The following PITPNM2 variants were observed in gnomAD, a reference collection of about 807,000 sequenced individuals.
PITPNM2 encodes the protein membrane-associated phosphatidylinositol transfer protein 2.
In PITPNM2, 35 loss-of-function variants were observed where a neutral mutation model predicts 132.2. That is an observed-to-expected ratio of 0.26 (90% confidence interval 0.20 to 0.35). The LOEUF is 0.35. Ranked by LOEUF, PITPNM2 falls within the 10% of genes least tolerant of loss-of-function variation. The pLI is 1.00. For synonymous variants in PITPNM2, 738 were observed against 799.2 expected (o/e 0.92, Z 1.29); for missense variants, 1,332 against 1,912.0 (o/e 0.70, Z 5.66).
At chr12:123,143,822 C>T (rs1386799693) in intron 1 of PITPNM2, among the ~76,000 whole-genome samples, 1 of 152,190 alleles carries the variant, frequency 6.6e-6, no homozygotes, top group Admixed American at 6.5e-5. Context: ...GCTTGTCTTT[C>T]TGTAGCACCT....
At chr12:123,056,166 G>T (rs2041020245) in intron 2 of PITPNM2, among the ~76,000 whole-genome samples, 1 of 152,168 alleles carries the variant, frequency 6.6e-6, no homozygotes, top group Admixed American at 6.6e-5. Context: ...TCAAGGCAGT[G>T]GTGATGAGTC....
chr12:122,989,764 G>C, intron 18 of PITPNM2, 23 bp downstream of exon 18: 4 of 1,373,016 alleles, frequency 2.9e-6, no homozygotes, highest in Non-Finnish European at 3.8e-6. Flanking sequence ...CCCCCAGTGA[G>C]GGGAAAGTGT....
At chr12:123,136,554 C>T (rs1395234386) in intron 1 of PITPNM2, among the ~76,000 whole-genome samples, 1 of 152,094 alleles carries the variant, frequency 6.6e-6, no homozygotes, top group East Asian at 1.9e-4. Flanking sequence ...TTAAAATTCT[C>T]AAAGCATGTT....
chr12:123,111,510 C>T lies in PITPNM2; in HGVS notation c.-199-1022G>A, dbSNP rs532804994. Among the ~76,000 whole-genome samples, 118 of 152,372 alleles carry T rather than the reference C, an allele frequency of 7.7e-4. 1 individual carries two copies. The highest frequency in any genetic ancestry group is 2.8e-3 in the African/African-American group (115 of 41,588). The stretch of plus-strand genomic sequence containing the variant: ...TGGCTGGGGATGGCAAAGTTATCAA[C>T]TGCCAAGTGAACGGCCAGACAGAGG... On this transcript the variant is annotated intron_variant, in intron 1 of 25. Transcript: ENST00000320201. This position sits in a 1 kb window ranked among gnomAD's most constrained non-coding sequence, Gnocchi z 4.1.
At chr12:122,988,009 C>T (rs1029334224) in intron 20 of PITPNM2, 108 bp from the exon 21 acceptor site, 17 of 1,060,466 alleles carry the variant, frequency 1.6e-5, no homozygotes, top group South Asian at 4.4e-5. Context: ...CTGTGAGCTG[C>T]GCAGCCCATG....
chr12:123,088,792 T>C (rs2042183957), intron 2 of PITPNM2: 1 of 152,176 alleles, frequency 6.6e-6, no homozygotes, highest in African/African-American at 2.4e-5. Flanking sequence ...CAAGATGCCA[T>C]CTGAGTAGGC....
At chr12:123,011,257 C>T (rs928130275) in intron 5 of PITPNM2, among the ~76,000 whole-genome samples, 12 of 152,264 alleles carry the variant, frequency 7.9e-5, no homozygotes, top group African/African-American at 2.4e-4. Context: ...AGGCTGCAGA[C>T]TGCAGACACA....
In PITPNM2 at chr12:122,993,262, C is replaced by T. The variant is rs952394751; in HGVS notation, c.2234-593G>A. On this transcript the variant is annotated intron_variant, in intron 15 of 25. Transcript: ENST00000320201. The surrounding 1 kb of genome is among the most constrained non-coding windows in gnomAD (Gnocchi z 5.2). ...CCCCCCGAAGCTCCAGCTCATCTTG[C>T]GGGAGCACCACCGAGTGCTGGCTAG... is the stretch of plus-strand genomic sequence containing the variant. Among the ~76,000 whole-genome samples, 18 of 152,184 alleles carry T rather than the reference C, an allele frequency of 1.2e-4. No individual in the cohort carries two copies. The highest frequency in any genetic ancestry group is 4.3e-4 in the African/African-American group (18 of 41,442).
At position 123,030,343 on chromosome 12, in the gene PITPNM2, C is replaced by T. The variant is rs112507232; in HGVS notation, c.78+4170G>A. Among the ~76,000 whole-genome samples the T allele has an allele frequency of 2.9e-3, 444 of 152,278 alleles. 1 individual carries two copies. The highest frequency in any genetic ancestry group is 9.7e-3 in the African/African-American group (404 of 41,544). ...TGGTTCCTGCAGACATCAAGCATAG[C>T]GTCACCATGTGACCCAGAAATTCCC... On this transcript the variant is annotated intron_variant, in intron 3 of 25. Transcript: ENST00000320201.
intron 2 of PITPNM2, among the ~76,000 whole-genome samples, chr12:123,063,910 C>G (rs73411085): frequency 6.6e-6 from 1 of 151,766 alleles, no homozygotes; most frequent in African/African-American, 2.4e-5. Flanking sequence ...AGTCCAATAC[C>G]ACACACACCT....
chr12:123,001,614 C>T (rs1454032520), intron 8 of PITPNM2, among the ~76,000 whole-genome samples: 1 of 152,194 alleles, frequency 6.6e-6, no homozygotes, highest in Non-Finnish European at 1.5e-5. Flanking sequence ...TTCTGGGGCT[C>T]CTCTATGTTG....
At chr12:122,997,052 G>C in intron 11 of PITPNM2, 142 bp from the exon 12 acceptor site, 1 of 967,826 alleles carries the variant, frequency 1.0e-6, no homozygotes, top group African/African-American at 1.6e-5. Context: ...TAGGCTTGGG[G>C]GACCAGGGTG....
At chr12:123,001,031 G>C (rs1377105371) in intron 9 of PITPNM2, 23 bp downstream of exon 9, 1 of 1,604,952 alleles carries the variant, frequency 6.2e-7, no homozygotes, top group Non-Finnish European at 8.5e-7. Flanking sequence ...CCCAGGCTCT[G>C]CAGCACCCCC....
intron 1 of PITPNM2, among the ~76,000 whole-genome samples, chr12:123,149,552 C>T (rs140881464): frequency 1.3e-5 from 2 of 152,308 alleles, no homozygotes; most frequent in South Asian, 2.1e-4. Context: ...ACTGACTCCA[C>T]GCAGGGTACT....
intron 1 of PITPNM2, among the ~76,000 whole-genome samples, chr12:123,124,117 G>A (rs1050996690): frequency 2.0e-5 from 3 of 151,864 alleles, no homozygotes; most frequent in Non-Finnish European, 2.9e-5. Flanking sequence ...TTAGCCTGGC[G>A]TGGTGGCAGA....
intron 2 of PITPNM2, among the ~76,000 whole-genome samples, chr12:123,086,042 C>T (rs554980323): frequency 1.3e-5 from 2 of 152,370 alleles, no homozygotes; most frequent in African/African-American, 4.8e-5. Flanking sequence ...TCCTGAAATG[C>T]ACTTCCCGAT....
rs530587857 is a variant in PITPNM2, at chr12:123,122,763, C to G, written c.-199-12275G>C. Among the ~76,000 whole-genome samples, 4 of 152,326 alleles carry G rather than the reference C, an allele frequency of 2.6e-5. No homozygotes were observed. The South Asian group carries it at 8.3e-4, about 32-fold the overall frequency. On this transcript the variant is annotated intron_variant, in intron 1 of 25. Transcript: ENST00000320201. ...CAAGCTGGCAGCTAATGGGAATGAA[C>G]AGTCTTAACTGGCTATGCCAGGAAC...
At chr12:122,997,692 C>G in intron 10 of PITPNM2, 120 bp from the exon 11 acceptor site, 6 of 1,400,470 alleles carry the variant, frequency 4.3e-6, no homozygotes, top group Middle Eastern at 1.9e-4. Flanking sequence ...CCTCTGAGAA[C>G]CCCAGTTTTG....
At chr12:123,134,120 C>G (rs1456182143) in intron 1 of PITPNM2, among the ~76,000 whole-genome samples, 30 of 152,122 alleles carry the variant, frequency 2.0e-4, no homozygotes, top group Admixed American at 2.0e-3. Flanking sequence ...GGCTGGAGTG[C>G]AGAGGCGTGA....
Sources: allele counts gnomAD v4.1 joint callset (sites outside exome capture counted in the v4.1 genomes callset), GRCh38; gene constraint gnomAD v4.1.1; non-coding constraint Gnocchi (gnomAD v3.1); transcripts MANE v1.5; gene names NCBI Gene and HGNC (gene_info 2026-07-23, HGNC 2026-07-21).